Variants in PEMT observed in about 807,000 individuals in gnomAD.
PEMT encodes phospholipid methyltransferase.
Under a neutral mutation model 27.4 loss-of-function variants are expected in PEMT, and 23 were observed. That is an observed-to-expected ratio of 0.84 (90% confidence interval 0.60 to 1.19). The LOEUF (loss-of-function observed/expected upper bound fraction) is 1.19. Ranked by LOEUF, PEMT falls within the 50% of genes most tolerant of loss-of-function variation. The pLI, the probability that PEMT is intolerant of heterozygous loss-of-function variation, is 0.00. For missense variants in PEMT, 307 were observed against 310.1 expected, an observed-to-expected ratio of 0.99 and a Z score of 0.07; for synonymous variants, 137 against 139.1, an observed-to-expected ratio of 0.98 and a Z score of 0.11.
chr17:17,586,262 AAGAAAGAAAGAAAGAAAG>A, intron 1 of PEMT, among the ~76,000 whole-genome samples: 1 of 118,086 alleles, frequency 8.5e-6, no homozygotes, highest in Non-Finnish European at 1.7e-5. Context: ...GAAAGAAAGA[AAGAAAGAAAGAAAGAAAG>A]AAAGAAAGAA....
chr17:17,518,895 G>C (rs1190882134), intron 3 of PEMT: 1 of 152,238 alleles, frequency 6.6e-6, no homozygotes, highest in Non-Finnish European at 1.5e-5. Flanking sequence ...TGAGGAAAAA[G>C]CTCCGAAACT....
chr17:17,545,241 T>C (rs1909174765), intron 2 of PEMT, among the ~76,000 whole-genome samples: 1 of 152,134 alleles, frequency 6.6e-6, no homozygotes, highest in South Asian at 2.1e-4. Context: ...AGGTCACCTG[T>C]ATAAGGACAA....
Position 17,540,340 on chromosome 17 carries a change from C to T in PEMT, c.205-17945G>A, listed in dbSNP as rs369285503. On this transcript the variant is annotated intron_variant, in intron 2 of 6. Transcript: ENST00000255389. Reference sequence around the variant, plus strand: ...GCGCTCTATCCCAGTGCCTCCTCTGCGCCTGCTTTGCCCAGAGCACACAGG... The same window carrying T: ...GCGCTCTATCCCAGTGCCTCCTCTGTGCCTGCTTTGCCCAGAGCACACAGG... 2.4e-3 allele frequency among the ~76,000 whole-genome samples: 364 copies of T among 152,360 alleles called. 2 individuals are homozygous for T. The highest frequency in any genetic ancestry group is 6.8e-3 in the Middle Eastern group (2 of 294).
chr17:17,552,438 C>T (rs1332555607), intron 2 of PEMT, among the ~76,000 whole-genome samples: 1 of 152,202 alleles, frequency 6.6e-6, no homozygotes, highest in Non-Finnish European at 1.5e-5. Context: ...AGGGCCTTGC[C>T]TGAAACGGCC....
chr17:17,580,245 T>C (rs1911894950), intron 1 of PEMT, among the ~76,000 whole-genome samples: 1 of 151,964 alleles, frequency 6.6e-6, no homozygotes, highest in African/African-American at 2.4e-5. Context: ...TTTGGGAGGC[T>C]AGGCAGGCAG....
chr17:17,562,313 C>T (rs1015407161), intron 2 of PEMT, among the ~76,000 whole-genome samples: 1 of 152,202 alleles, frequency 6.6e-6, no homozygotes, highest in South Asian at 2.1e-4. Context: ...GAGCTCACTG[C>T]AGCGGCAGCC....
chr17:17,550,694 C>T (rs921522829), intron 2 of PEMT, among the ~76,000 whole-genome samples: 1 of 152,212 alleles, frequency 6.6e-6, no homozygotes, highest in Non-Finnish European at 1.5e-5. Flanking sequence ...AGTTCAAGGT[C>T]GCAGGTGGCT....
intron 1 of PEMT, among the ~76,000 whole-genome samples, chr17:17,586,026 T>G (rs1263619828): frequency 8.3e-5 from 12 of 144,374 alleles, no homozygotes; most frequent in Non-Finnish European, 1.6e-4. Flanking sequence ...GAGCTTGCAG[T>G]GACCCAAGAT....
chr17:17,526,745 G>A (rs1907698863), intron 2 of PEMT, among the ~76,000 whole-genome samples: 1 of 152,264 alleles, frequency 6.6e-6, no homozygotes, highest in Non-Finnish European at 1.5e-5. Flanking sequence ...CTTGGACTCA[G>A]AGGTTGTAAC....
intron 2 of PEMT, among the ~76,000 whole-genome samples, chr17:17,568,487 C>A (rs1910977930): frequency 6.6e-6 from 1 of 152,264 alleles, no homozygotes; most frequent in Admixed American, 6.5e-5. Context: ...AGAGCCAGGA[C>A]TTGGTAAAGC....
chr17:17,580,198 C>T (rs1457515648), intron 1 of PEMT, among the ~76,000 whole-genome samples: 1 of 152,056 alleles, frequency 6.6e-6, no homozygotes, highest in Non-Finnish European at 1.5e-5. Flanking sequence ...CTATTAAGCA[C>T]CTCCAGTCTA....
intron 2 of PEMT, among the ~76,000 whole-genome samples, chr17:17,554,540 C>T (rs182784877): frequency 2.9e-3 from 444 of 152,362 alleles, no homozygotes; most frequent in Middle Eastern, 0.017. Flanking sequence ...GCTGAGGCAA[C>T]GGAGCCGCTT....
chr17:17,521,768 T>C (rs1907281013), intron 3 of PEMT, among the ~76,000 whole-genome samples: 1 of 152,260 alleles, frequency 6.6e-6, no homozygotes, highest in South Asian at 2.1e-4. Flanking sequence ...AGTTTCATCA[T>C]GTTGGCCAGG....
intron 2 of PEMT, among the ~76,000 whole-genome samples, chr17:17,558,075 C>T (rs751098564): frequency 2.6e-5 from 4 of 152,108 alleles, no homozygotes; most frequent in Admixed American, 6.5e-5. Context: ...GGCACAGGAG[C>T]GTATGCTTAC....
At chr17:17,528,916 C>A (rs1356413029) in intron 2 of PEMT, among the ~76,000 whole-genome samples, 1 of 152,242 alleles carries the variant, frequency 6.6e-6, no homozygotes, top group Non-Finnish European at 1.5e-5. Flanking sequence ...GAGGCATTTC[C>A]TCCCCAGCCC....
At chr17:17,536,743 C>T (rs564044964) in intron 2 of PEMT, among the ~76,000 whole-genome samples, 3 of 152,348 alleles carry the variant, frequency 2.0e-5, no homozygotes, top group Admixed American at 6.5e-5. Context: ...CCACCAGGTG[C>T]GACTCATGCT....
rs1453269825 is a variant in PEMT at position 17,523,380 on chromosome 17, A to C, written c.205-985T>G. 6.6e-6 allele frequency among the ~76,000 whole-genome samples: 1 copy of C among 152,128 alleles called. No individual in the cohort carries two copies. The highest frequency in any genetic ancestry group is 1.5e-5 in the Non-Finnish European group (1 of 68,008). ...TGCCTTTCCCAGCAGTTGCGGCAGG[A>C]GAGTGATTAGCGATGATTTCCTCAA... On this transcript the variant is annotated intron_variant, in intron 2 of 6. Transcript: ENST00000255389. This position sits in a 1 kb window ranked among gnomAD's most constrained non-coding sequence, Gnocchi z 4.8.
chr17:17,568,356 T>G (rs1323694118), intron 2 of PEMT, among the ~76,000 whole-genome samples: 2 of 152,186 alleles, frequency 1.3e-5, no homozygotes, highest in African/African-American at 2.4e-5. Context: ...GTTAATAAGT[T>G]GTGAGCTTTC....
At chr17:17,589,669 A>G (rs972461483) in intron 1 of PEMT, among the ~76,000 whole-genome samples, 2 of 152,204 alleles carry the variant, frequency 1.3e-5, no homozygotes, top group Non-Finnish European at 2.9e-5. Flanking sequence ...CAACTCTCCC[A>G]GGCCAGGGAC....
Sources: allele counts gnomAD v4.1 joint callset (sites outside exome capture counted in the v4.1 genomes callset), GRCh38; gene constraint gnomAD v4.1.1; non-coding constraint Gnocchi (gnomAD v3.1); transcripts MANE v1.5; gene names NCBI Gene and HGNC (gene_info 2026-07-23, HGNC 2026-07-21).